Variants in ALK observed in about 807,000 individuals in gnomAD.
ALK encodes the protein ALK tyrosine kinase receptor.
ALK carries 74 observed loss-of-function variants against 163.1 expected under a neutral mutation model. The ratio of observed to expected loss-of-function variants is 0.45; its 90% confidence interval spans 0.38 to 0.55. The LOEUF is 0.55. ALK is among the 20% of genes least tolerant of loss of function. The probability of loss-of-function intolerance (pLI) is 0.00; values close to 1 mark genes in which losing one functional copy is unlikely to be tolerated. For missense variants in ALK, 2,063 were observed against 2,105.3 expected, an observed-to-expected ratio of 0.98 and a Z score of 0.39; for synonymous variants, 960 against 843.2, an observed-to-expected ratio of 1.14 and a Z score of -2.40.
chr2:29,374,952 A>G (rs1162153137), intron 5 of ALK, among the ~76,000 whole-genome samples: 6 of 152,204 alleles, frequency 3.9e-5, no homozygotes, highest in Non-Finnish European at 7.3e-5. Flanking sequence ...AGAGCTCACC[A>G]TTGCACGGCT....
intron 3 of ALK, among the ~76,000 whole-genome samples, chr2:29,603,010 G>A (rs1344754194): frequency 1.3e-5 from 2 of 152,152 alleles, no homozygotes; most frequent in Non-Finnish European, 2.9e-5. Flanking sequence ...TTGAAGTGGG[G>A]GCTTGCAGGT....
At chr2:29,619,588 G>A (rs1445538151) in intron 3 of ALK, among the ~76,000 whole-genome samples, 6 of 152,136 alleles carry the variant, frequency 3.9e-5, no homozygotes, top group Non-Finnish European at 5.9e-5. Context: ...AGCACTGCCG[G>A]CCCTCAGCTT....
intron 5 of ALK, among the ~76,000 whole-genome samples, chr2:29,381,451 C>T (rs959404262): frequency 1.3e-5 from 2 of 152,184 alleles, no homozygotes; most frequent in African/African-American, 4.8e-5. Context: ...ATATTGTCTC[C>T]AATGCGGGGA....
intron 6 of ALK, among the ~76,000 whole-genome samples, chr2:29,326,168 G>GTTC (rs1375461705): frequency 1.3e-5 from 2 of 152,100 alleles, no homozygotes; most frequent in African/African-American, 2.4e-5. Context: ...TGGGCCCCAG[G>GTTC]TTCTTGCCCT....
In ALK at chr2:29,920,117, G is replaced by C. The variant is rs984559507; in HGVS notation, c.543C>G (p.Gly181=). The change falls in exon 1 of 29, where the codon GGC becomes GGG. Residue 181 remains glycine, a synonymous_variant. Transcript: ENST00000389048. ...SELFSWWIRQ[G]EGRLRIRLMP... is the part of the protein sequence containing the mutation. ...TCAGGCGGATCCTCAGTCGCCCTTC[G>C]CCTTGGCGAATCCACCAACTGAACA... The C allele has an allele frequency of 3.1e-6, 5 of 1,614,066 alleles. No homozygotes were observed. Among genetic ancestry groups the C allele is most frequent in the Non-Finnish European group, 4.2e-6 (5 of 1,180,042 alleles).
At chr2:29,614,014 T>G (rs1251790705) in intron 3 of ALK, among the ~76,000 whole-genome samples, 18 of 152,084 alleles carry the variant, frequency 1.2e-4, no homozygotes, top group Non-Finnish European at 1.8e-4. Context: ...TCAGCACTGA[T>G]CCTGTCCAGA....
intron 3 of ALK, among the ~76,000 whole-genome samples, chr2:29,547,620 A>G (rs537341714): frequency 6.6e-6 from 1 of 152,266 alleles, no homozygotes; most frequent in African/African-American, 2.4e-5. Flanking sequence ...AACAAATTCC[A>G]TAATATGATC....
intron 4 of ALK, among the ~76,000 whole-genome samples, chr2:29,405,481 G>A (rs1413562501): frequency 3.3e-5 from 5 of 152,150 alleles, no homozygotes; most frequent in Admixed American, 6.5e-5. Context: ...CTGGGGTGAC[G>A]GGGCATTTTC....
chr2:29,397,059 G>A (rs1018558107), intron 4 of ALK, among the ~76,000 whole-genome samples: 2 of 151,996 alleles, frequency 1.3e-5, no homozygotes, highest in African/African-American at 4.8e-5. Flanking sequence ...AGTAGGGTGG[G>A]CAGGAAAGGC....
intron 3 of ALK, among the ~76,000 whole-genome samples, chr2:29,651,667 A>T (rs554930429): frequency 4.2e-4 from 64 of 152,268 alleles, no homozygotes; most frequent in African/African-American, 1.5e-3. Flanking sequence ...CGTCAGCCAC[A>T]GGGTATCCCT....
chr2:29,453,108 T>C (rs1056754330), intron 4 of ALK, among the ~76,000 whole-genome samples: 1 of 152,216 alleles, frequency 6.6e-6, no homozygotes, highest in African/African-American at 2.4e-5. Flanking sequence ...TCAATGTTGA[T>C]TTTCTGTTTT....
intron 3 of ALK, among the ~76,000 whole-genome samples, chr2:29,636,814 A>G (rs4666261): frequency 0.64 from 97,133 of 152,094 alleles, 31,970 homozygotes; most frequent in Middle Eastern, 0.75. Context: ...AAAAGGATAA[A>G]CAGCTGGAAA....
chr2:29,372,769 T>C (rs985151249), intron 5 of ALK, among the ~76,000 whole-genome samples: 6 of 152,104 alleles, frequency 3.9e-5, no homozygotes, highest in Non-Finnish European at 8.8e-5. Flanking sequence ...CTTTTCTTTC[T>C]GTTGCATCTT....
chr2:29,208,017 T>C (rs1415415563), intron 25 of ALK: 1 of 450,146 alleles, frequency 2.2e-6, no homozygotes, highest in Non-Finnish European at 4.5e-6. Context: ...AATAAATAAG[T>C]ACTGAATATT....
chr2:29,744,429 C>T (rs1195799938), intron 1 of ALK, among the ~76,000 whole-genome samples: 1 of 152,086 alleles, frequency 6.6e-6, no homozygotes, highest in Non-Finnish European at 1.5e-5. Context: ...ATTTTGCTCA[C>T]AAATCTTCAG....
Position 29,396,907 on chromosome 2 carries a change from C to A in ALK, c.1155-13048G>T, listed in dbSNP as rs561527214. Among the ~76,000 whole-genome samples, 5 of 108,214 alleles carry A rather than the reference C, an allele frequency of 4.6e-5. No individual in the cohort carries two copies. In the South Asian group the frequency reaches 1.6e-3, roughly 35 times the overall value. 71.0% of individuals were successfully genotyped at this position (108,214 alleles called of 152,430 possible). A position where few individuals can be genotyped will look rare whatever the true frequency, so the allele number is the denominator to read the frequency against. On this transcript the variant is annotated intron_variant, in intron 4 of 28. Transcript: ENST00000389048. ...GATCAAGGCTCATCTTGGTGTTTTTCAGGAATACACCTCCCAGGTTGGACC... is the reference window on the plus strand; with the variant it reads ...GATCAAGGCTCATCTTGGTGTTTTTAAGGAATACACCTCCCAGGTTGGACC...
intron 1 of ALK, among the ~76,000 whole-genome samples, chr2:29,867,282 A>C (rs540414010): frequency 1.8e-4 from 27 of 152,148 alleles, no homozygotes; most frequent in African/African-American, 6.3e-4. Flanking sequence ...CCTTACAAAA[A>C]CAAAAAACAA....
At chr2:29,848,715 TG>T (rs1665912984) in intron 1 of ALK, among the ~76,000 whole-genome samples, 1 of 151,952 alleles carries the variant, frequency 6.6e-6, no homozygotes, top group Admixed American at 6.6e-5. Flanking sequence ...GAGGGTGAGG[TG>T]GGGGCTATGT....
At chr2:29,448,918 C>T (rs996280824) in intron 4 of ALK, among the ~76,000 whole-genome samples, 1 of 152,134 alleles carries the variant, frequency 6.6e-6, no homozygotes, top group Non-Finnish European at 1.5e-5. Context: ...CGCTGCTTCC[C>T]CCAAGGCAGC....
Sources: gnomAD v4.1 joint callset for allele counts (sites outside exome capture counted in the v4.1 genomes callset) on GRCh38, gnomAD v4.1.1 for gene constraint, MANE v1.5 for transcripts, NCBI Gene and HGNC (gene_info 2026-07-23, HGNC 2026-07-21) for gene names.